Variants in PGR observed in about 807,000 individuals in gnomAD.
PGR encodes the protein progesterone receptor, also known as nuclear receptor subfamily 3 group C member 3.
In PGR, 25 loss-of-function variants were observed where a neutral mutation model predicts 76.1. The ratio of observed to expected loss-of-function variants is 0.33; its 90% CI spans 0.24 to 0.46. The LOEUF is 0.46. PGR is among the 20% of genes least tolerant of loss of function. The probability of loss-of-function intolerance (pLI) is 1.00; values close to 1 mark genes in which losing one functional copy is unlikely to be tolerated. For synonymous variants in PGR, 579 were observed against 535.0 expected (o/e 1.08, Z -1.14); for missense variants, 1,172 against 1,225.3 (o/e 0.96, Z 0.65).
In PGR at chr11:101,088,592, A is replaced by G. The variant is rs190707509; in HGVS notation, c.1906+3168T>C. 3.2e-3 allele frequency among the ~76,000 whole-genome samples: 493 copies of G among 152,268 alleles called. 3 individuals are homozygous for G. The highest frequency in any genetic ancestry group is 4.9e-3 in the Non-Finnish European group (331 of 68,012). On this transcript the variant is annotated intron_variant, in intron 3 of 7. Coordinates refer to ENST00000325455, the MANE Select transcript of PGR (RefSeq NM_000926.4). Reference sequence around the variant, plus strand: ...CATGATCCACCTGCGTTGGCCTCCCAAAGTGCTGGGATTACAGGCATGAGC... The same window carrying G: ...CATGATCCACCTGCGTTGGCCTCCCGAAGTGCTGGGATTACAGGCATGAGC...
At chr11:101,127,364 T>C (rs1862874389) in intron 1 of PGR, 70 bp downstream of exon 1, 3 of 1,232,378 alleles carry the variant, frequency 2.4e-6, no homozygotes, top group Non-Finnish European at 3.3e-6. Flanking sequence ...GGCTGAGGGT[T>C]GGCGGCCGCC....
At chr11:101,070,906 T>G (rs964021204) in intron 3 of PGR, among the ~76,000 whole-genome samples, 1 of 152,326 alleles carries the variant, frequency 6.6e-6, no homozygotes, top group African/African-American at 2.4e-5. Flanking sequence ...TTCAGCAGAC[T>G]TAAACGTTCC....
intron 3 of PGR, among the ~76,000 whole-genome samples, chr11:101,085,881 T>G (rs1310080490): frequency 1.3e-5 from 2 of 152,026 alleles, no homozygotes; most frequent in Non-Finnish European, 2.9e-5. Flanking sequence ...ACACACAATG[T>G]CCCAAGTTTA....
intron 2 of PGR, among the ~76,000 whole-genome samples, chr11:101,097,492 C>T (rs1443340803): frequency 6.6e-6 from 1 of 152,156 alleles, no homozygotes; most frequent in Non-Finnish European, 1.5e-5. Context: ...CAGTTTGATA[C>T]TTTTAACTCT....
chr11:101,036,252 T>C lies in PGR; in HGVS notation c.*2864A>G. ...TCTGTATAGCAATAAATTATCTTAA[T>C]GTTAAATGGGAAAAAATAGCATAGC... On this transcript the variant is annotated 3_prime_UTR_variant, in exon 8 of 8. Coordinates refer to ENST00000325455, the MANE Select transcript of PGR (RefSeq NM_000926.4). The C allele has an allele frequency of 4.5e-6, 1 of 222,006 alleles. No homozygotes were observed. Among genetic ancestry groups the C allele is most frequent in the Non-Finnish European group, 9.0e-6 (1 of 111,114 alleles). 13.8% of individuals were successfully genotyped at this position (222,006 alleles called of 1,614,324 possible).
At chr11:101,091,631 A>G in intron 3 of PGR, 129 bp downstream of exon 3, 1 of 694,660 alleles carries the variant, frequency 1.4e-6, no homozygotes, top group Non-Finnish European at 2.6e-6. Context: ...TCACATGTGC[A>G]GAGTCACTGC....
intron 4 of PGR, 129 bp from the exon 5 acceptor site, chr11:101,051,697 T>G: frequency 1.4e-6 from 1 of 703,894 alleles, no homozygotes; most frequent in Non-Finnish European, 2.5e-6. Flanking sequence ...CCAACATATT[T>G]TACACTGAAA....
intron 2 of PGR, among the ~76,000 whole-genome samples, chr11:101,118,842 T>C (rs1415362258): frequency 1.3e-5 from 2 of 152,268 alleles, no homozygotes; most frequent in East Asian, 1.9e-4. Flanking sequence ...CTCCTCAAAT[T>C]AGGTAGATAG....
At chr11:101,123,266 C>G (rs1862734477) in intron 2 of PGR, among the ~76,000 whole-genome samples, 1 of 152,128 alleles carries the variant, frequency 6.6e-6, no homozygotes. Context: ...TTTTATAATG[C>G]CATCATTTTC....
rs1417174095 is a variant in PGR, at chr11:101,032,012, ATTGT to A, written c.*7100_*7103del. 6 of 232,656 alleles carry A rather than the reference ATTGT, an allele frequency of 2.6e-5. No homozygotes were observed. The highest frequency in any genetic ancestry group is 5.1e-5 in the Non-Finnish European group (6 of 117,774). 14.4% of individuals were successfully genotyped at this position (232,656 alleles called of 1,614,324 possible). The stretch of plus-strand genomic sequence containing the variant: ...TAGGGATATAGGTGGAGTGGTACAG[ATTGT>A]TTGGACAGATAGAATTCTGGGACTT... On this transcript the variant is annotated 3_prime_UTR_variant, in exon 8 of 8. Transcript: ENST00000325455.
intron 3 of PGR, among the ~76,000 whole-genome samples, chr11:101,089,527 C>T (rs1189532344): frequency 3.3e-5 from 5 of 152,126 alleles, no homozygotes; most frequent in Non-Finnish European, 4.4e-5. Flanking sequence ...ATTTGTTGCT[C>T]GTCCTCCCAC....
chr11:101,127,424 G>T lies in PGR; in HGVS notation c.1637+10C>A. On this transcript the variant is annotated intron_variant, in intron 1 of 7. Transcript: ENST00000325455. The stretch of plus-strand genomic sequence containing the variant: ...GGACGCGCTGGGCGTGCCCCGTCCC[G>T]GGCCCTCACCTCAGGTAGTTGAGAT... The T allele has an allele frequency of 6.5e-7, 1 of 1,533,294 alleles. No homozygotes were observed. Among genetic ancestry groups the T allele is most frequent in the African/African-American group, 1.4e-5 (1 of 70,012 alleles). 95.0% of individuals were successfully genotyped at this position (1,533,294 alleles called of 1,614,324 possible).
At chr11:101,127,329 G>A (rs892222542) in intron 1 of PGR, 105 bp downstream of exon 1, 5 of 832,188 alleles carry the variant, frequency 6.0e-6, no homozygotes, top group African/African-American at 1.8e-5. Flanking sequence ...CCGCCCCGGG[G>A]AGCGCAGCGG....
At chr11:101,084,981 C>T (rs1262467107) in intron 3 of PGR, among the ~76,000 whole-genome samples, 4 of 152,156 alleles carry the variant, frequency 2.6e-5, no homozygotes, top group African/African-American at 9.7e-5. Flanking sequence ...TTCTAAGGAC[C>T]TAGAAAGCCA....
At chr11:101,112,527 T>C (rs1862375069) in intron 2 of PGR, among the ~76,000 whole-genome samples, 1 of 152,120 alleles carries the variant, frequency 6.6e-6, no homozygotes, top group Non-Finnish European at 1.5e-5. Flanking sequence ...GTGGTAGCAA[T>C]TTCAGAAAGT....
chr11:101,053,321 T>G (rs1208136865), intron 4 of PGR, among the ~76,000 whole-genome samples: 1 of 152,100 alleles, frequency 6.6e-6, no homozygotes, highest in East Asian at 1.9e-4. Flanking sequence ...CTTCATACAC[T>G]TCAGATCGTC....
At chr11:101,041,679 C>A in intron 7 of PGR, 4 of 389,670 alleles carry the variant, frequency 1.0e-5, no homozygotes, top group African/African-American at 2.1e-5. Context: ...TATTTTAGAA[C>A]ATATTCAGGA....
chr11:101,105,611 A>G (rs1247659380), intron 2 of PGR, among the ~76,000 whole-genome samples: 1 of 151,752 alleles, frequency 6.6e-6, no homozygotes, highest in African/African-American at 2.4e-5. Context: ...TTCCATGCTC[A>G]TGGGTAGGAA....
At chr11:101,081,391 T>C (rs1281261863) in intron 3 of PGR, among the ~76,000 whole-genome samples, 1 of 151,038 alleles carries the variant, frequency 6.6e-6, no homozygotes, top group Non-Finnish European at 1.5e-5. Context: ...ATCTCACCAC[T>C]GCACTCCAGC....
Sources: allele counts gnomAD v4.1 joint callset (sites outside exome capture counted in the v4.1 genomes callset), GRCh38; gene constraint gnomAD v4.1.1; transcripts MANE v1.5; gene names NCBI Gene and HGNC (gene_info 2026-07-23, HGNC 2026-07-21).